The following LARS1 variants were observed in gnomAD, a reference collection of about 807,000 sequenced individuals.
LARS1 encodes the protein leucine--tRNA ligase, cytoplasmic.
In LARS1, 100 loss-of-function variants were observed where a neutral mutation model predicts 162.8. The observed-to-expected ratio is 0.61, with a 90% CI of 0.52 to 0.73. The LOEUF (loss-of-function observed/expected upper bound fraction) is 0.73, where lower values mean the gene tolerates loss of function less well. Among genes scored for constraint, LARS1 ranks in the 30% least tolerant of loss-of-function variants. The pLI, the probability that LARS1 is intolerant of heterozygous loss-of-function variation, is 0.00. For missense variants in LARS1, 1,258 were observed against 1,408.9 expected, an observed-to-expected ratio of 0.89 and a Z score of 1.71; for synonymous variants, 457 against 462.8, an observed-to-expected ratio of 0.99 and a Z score of 0.16.
At chr5:146,153,556 CTG>C (rs1376808932) in intron 12 of LARS1, among the ~76,000 whole-genome samples, 176 bp downstream of exon 12, 44 of 11,398 alleles carry the variant, frequency 3.9e-3, no homozygotes, top group African/African-American at 4.1e-3. Flanking sequence ...TTTCAAAATT[CTG>C]TGAACATATT....
intron 31 of LARS1, among the ~76,000 whole-genome samples, chr5:146,115,861 T>C (rs2126343771): frequency 6.6e-6 from 1 of 152,302 alleles, no homozygotes; most frequent in East Asian, 1.9e-4. Context: ...TCCCATTTCT[T>C]TCTGAAACAC....
At chr5:146,167,564 C>T (rs1438581925) in intron 5 of LARS1, among the ~76,000 whole-genome samples, 3 of 152,196 alleles carry the variant, frequency 2.0e-5, no homozygotes, top group East Asian at 3.9e-4. Flanking sequence ...CCACCACGCC[C>T]GGCTAATTTT....
intron 10 of LARS1, among the ~76,000 whole-genome samples, chr5:146,155,289 T>C (rs1753471352): frequency 6.6e-6 from 1 of 152,226 alleles, no homozygotes; most frequent in Non-Finnish European, 1.5e-5. Flanking sequence ...AATGTTCATG[T>C]AACTCAGACT....
chr5:146,164,429 C>T lies in LARS1; in HGVS notation c.475G>A (p.Gly159Ser). Residue 159 changes from glycine (G) to serine (S), a missense_variant, in exon 6 of 32, where the codon GGC (glycine) becomes AGC (serine). By Grantham distance (56) the Gly-to-Ser change is moderately conservative. Coordinates refer to ENST00000394434, the MANE Select transcript of LARS1 (RefSeq NM_020117.11). The part of the protein sequence containing the change: ...AKAGSSKYQW[G>S]IMKSLGLSDE... The stretch of plus-strand genomic sequence containing the variant: ...GACAGGCCAAGGGATTTCATAATGC[C>T]CCACTGGTATTTAGAAGATCCAGCT... 2 of 1,613,946 alleles carry T rather than the reference C, an allele frequency of 1.2e-6. No individual in the cohort carries two copies.
At chr5:146,155,948 T>C (rs1370248565) in intron 10 of LARS1, among the ~76,000 whole-genome samples, 4 of 152,182 alleles carry the variant, frequency 2.6e-5, no homozygotes, top group African/African-American at 4.8e-5. Flanking sequence ...GTTAAGTAAA[T>C]TGTGGTACAA....
chr5:146,128,306 A>T (rs1581013890), intron 27 of LARS1, among the ~76,000 whole-genome samples: 2 of 152,252 alleles, frequency 1.3e-5, no homozygotes, highest in South Asian at 2.1e-4. Flanking sequence ...AATGAATATA[A>T]TGAATGAATA....
At position 146,114,310 on chromosome 5, in the gene LARS1, G is replaced by GT. The variant is rs1561791557; in HGVS notation, c.3326dup (p.Asp1109GlufsTer11). The GT allele has an allele frequency of 1.2e-6, 2 of 1,612,198 alleles. No homozygotes were observed. Among genetic ancestry groups the GT allele is most frequent in the African/African-American group, 2.7e-5 (2 of 74,764 alleles). ...ATCTCATCAGTTTCACTTTGGAAAG[G>GT]TCTACAACAAAATAAATTATCAATA... On this transcript the variant is annotated frameshift_variant and splice_region_variant, in exon 32 of 32. Transcript: ENST00000394434. LOFTEE classifies it high-confidence loss of function.
chr5:146,169,872 A>C (rs1389877821), intron 4 of LARS1, among the ~76,000 whole-genome samples: 1 of 152,110 alleles, frequency 6.6e-6, no homozygotes, highest in Non-Finnish European at 1.5e-5. Context: ...TTATAGGAGG[A>C]AAAGTCACCT....
chr5:146,181,603 G>C (rs569440929), intron 1 of LARS1, among the ~76,000 whole-genome samples: 1 of 152,156 alleles, frequency 6.6e-6, no homozygotes, highest in East Asian at 1.9e-4. Context: ...AGTGAGCCAT[G>C]ATCACGCCAC....
At chr5:146,123,172 T>A (rs1443937084) in intron 29 of LARS1, among the ~76,000 whole-genome samples, 1 of 152,032 alleles carries the variant, frequency 6.6e-6, no homozygotes, top group Non-Finnish European at 1.5e-5. Flanking sequence ...CTTTCTTCCA[T>A]CTCCGTATTT....
intron 18 of LARS1, 122 bp from the exon 19 acceptor site, chr5:146,143,672 C>T (rs574464138): frequency 8.1e-6 from 7 of 866,524 alleles, no homozygotes; most frequent in Non-Finnish European, 1.2e-5. Context: ...TTAAATTATT[C>T]TTGAATAATT....
At chr5:146,174,292 A>G (rs1220394499) in intron 2 of LARS1, among the ~76,000 whole-genome samples, 1 of 150,064 alleles carries the variant, frequency 6.7e-6, no homozygotes, top group Non-Finnish European at 1.5e-5. Context: ...GTAAAACTAC[A>G]AAATTAGCTG....
intron 1 of LARS1, among the ~76,000 whole-genome samples, chr5:146,181,770 A>C (rs1176324668): frequency 6.8e-6 from 1 of 147,640 alleles, no homozygotes; most frequent in Non-Finnish European, 1.5e-5. Flanking sequence ...AATATTTTAC[A>C]ATGTATTTTA....
chr5:146,182,399 C>G (rs1392769954), intron 1 of LARS1, 89 bp downstream of exon 1: 1 of 1,552,246 alleles, frequency 6.4e-7, no homozygotes, highest in African/African-American at 1.4e-5. Flanking sequence ...TAGAAAAGGA[C>G]TTTCCCTTCA....
At chr5:146,160,201 AT>A (rs879531504) in intron 7 of LARS1, among the ~76,000 whole-genome samples, 172 bp downstream of exon 7, 42 of 147,842 alleles carry the variant, frequency 2.8e-4, no homozygotes, top group South Asian at 1.7e-3. Flanking sequence ...TGCCTGGCTA[AT>A]TTTTTTTTTT....
intron 5 of LARS1, among the ~76,000 whole-genome samples, chr5:146,165,071 C>G (rs926578351): frequency 6.6e-6 from 1 of 152,170 alleles, no homozygotes; most frequent in Admixed American, 6.5e-5. Context: ...CACAGTAGCT[C>G]ACACCTGTAA....
intron 2 of LARS1, among the ~76,000 whole-genome samples, chr5:146,174,131 T>C (rs991060848): frequency 7.5e-6 from 1 of 132,630 alleles, no homozygotes; most frequent in Non-Finnish European, 1.6e-5. Context: ...ATTACAGCAA[T>C]TTCTTTTTCT....
At chr5:146,161,539 A>G (rs1293989541) in intron 6 of LARS1, among the ~76,000 whole-genome samples, 1 of 151,978 alleles carries the variant, frequency 6.6e-6, no homozygotes. Context: ...GACCAGCCTA[A>G]CCAACATGGA....
At chr5:146,150,982 C>CACACACACACAA (rs1358228444) in intron 14 of LARS1, among the ~76,000 whole-genome samples, 1 of 151,044 alleles carries the variant, frequency 6.6e-6, no homozygotes, top group African/African-American at 2.4e-5. Flanking sequence ...CACACACACA[C>CACACACACACAA]AAATGTAAAT....
Sources: allele counts gnomAD v4.1 joint callset (sites outside exome capture counted in the v4.1 genomes callset), GRCh38; gene constraint gnomAD v4.1.1; transcripts MANE v1.5; gene names NCBI Gene and HGNC (gene_info 2026-07-23, HGNC 2026-07-21).